BASP1: variants seen among roughly 807,000 people sequenced by gnomAD.
The protein encoded by BASP1 is brain acid soluble protein 1.
A neutral mutation model predicts 2.2 loss-of-function variants in BASP1; 1 was observed. That is an observed-to-expected ratio of 0.46 (90% confidence interval 0.16 to 2.17). The LOEUF (loss-of-function observed/expected upper bound fraction) is 2.17. Among genes scored for constraint, BASP1 ranks in the 30% most tolerant of loss-of-function variants. The pLI, the probability that BASP1 is intolerant of heterozygous loss-of-function variation, is 0.27. For missense variants in BASP1, 352 were observed against 327.2 expected (o/e 1.08, Z -0.58); for synonymous variants, 187 against 154.2 (o/e 1.21, Z -1.58).
intron 1 of BASP1, among the ~76,000 whole-genome samples, chr5:17,231,726 T>G (rs917495215): frequency 6.6e-6 from 1 of 152,226 alleles, no homozygotes; most frequent in Non-Finnish European, 1.5e-5. Flanking sequence ...TTTTTGTCCC[T>G]GCATTTGCCA....
Position 17,275,426 on chromosome 5 carries a change from G to T in BASP1, c.210G>T (p.Glu70Asp). ...CCGAGGGCAAGGCCGAGGAGAAGGA[G>T]GGCGAGAAGGACGCGGCGGCTGCCA... ...QDAEGKAEEK[E>D]GEKDAAAAKE... The change falls in exon 2 of 2, where the codon GAG becomes GAT. Residue 70 changes from glutamate to aspartate, a missense_variant. Glu to Asp is a conservative substitution (Grantham distance 45). Transcript: ENST00000322611. The surrounding 1 kb of genome is among the most constrained non-coding windows in gnomAD (Gnocchi z 5.3). 1 of 1,544,452 alleles carries T rather than the reference G, an allele frequency of 6.5e-7. No individual in the cohort carries two copies. The highest frequency in any genetic ancestry group is 1.2e-5 in the South Asian group (1 of 83,944).
chr5:17,227,951 T>A (rs1000876587), intron 1 of BASP1, among the ~76,000 whole-genome samples: 6 of 152,178 alleles, frequency 3.9e-5, no homozygotes, highest in African/African-American at 1.4e-4. Context: ...TTTTCAAATG[T>A]TTGGTTTTCA....
rs554588865 is a variant in BASP1 at position 17,250,028 on chromosome 5, C to T, written c.-9-25180C>T. On this transcript the variant is annotated intron_variant, in intron 1 of 1. Coordinates refer to ENST00000322611, the MANE Select transcript of BASP1 (RefSeq NM_006317.5). ...TGTGATCTCAGCTCACTGTAACCTC[C>T]GCCTCTTGGATTCAAGCAATTCTCG... 1.8e-4 allele frequency among the ~76,000 whole-genome samples: 28 copies of T among 152,186 alleles called. 1 individual carries two copies. Among genetic ancestry groups the T allele is most frequent in the Admixed American group, 1.5e-3 (23 of 15,284 alleles).
chr5:17,229,858 A>G (rs1429570648), intron 1 of BASP1, among the ~76,000 whole-genome samples: 1 of 143,708 alleles, frequency 7.0e-6, no homozygotes, highest in Non-Finnish European at 1.5e-5. Flanking sequence ...ATCTTGGCTC[A>G]CTGCAACCTC....
rs573951157 is a variant in BASP1, at chr5:17,275,155, C to T, written c.-9-53C>T. On this transcript the variant is annotated intron_variant, in intron 1 of 1. Coordinates refer to ENST00000322611, the MANE Select transcript of BASP1 (RefSeq NM_006317.5). This position sits in a 1 kb window ranked among gnomAD's most constrained non-coding sequence, Gnocchi z 5.3. ...TTTGCAAAATGCAGCTTTTTGTGGT[C>T]CCCACACTTGCCTAGTAACCGCCGT... The T allele has an allele frequency of 3.8e-6, 6 of 1,577,756 alleles. No homozygotes were observed. The highest frequency in any genetic ancestry group is 1.7e-5 in the Admixed American group (1 of 57,964).
chr5:17,219,938 A>G lies in BASP1; in HGVS notation c.-10+2128A>G, dbSNP rs1739364444. Among the ~76,000 whole-genome samples, 6 of 152,314 alleles carry G rather than the reference A, an allele frequency of 3.9e-5. No individual in the cohort carries two copies. In the South Asian group the frequency reaches 1.2e-3, roughly 32 times the overall value. The stretch of plus-strand genomic sequence containing the variant: ...CCCATTACCTAACAGAAGCCATGAT[A>G]TACCTTTGATGGCTGATTTTCTTTC... On this transcript the variant is annotated intron_variant, in intron 1 of 1. Transcript: ENST00000322611.
chr5:17,263,960 A>T (rs769404062), intron 1 of BASP1, among the ~76,000 whole-genome samples: 1 of 152,222 alleles, frequency 6.6e-6, no homozygotes, highest in South Asian at 2.1e-4. Flanking sequence ...GAATTGCTAA[A>T]TATGAGCCTT....
chr5:17,276,151 T>G lies in BASP1; in HGVS notation c.*251T>G. 5.6e-6 allele frequency: 2 copies of G among 356,778 alleles called. No individual in the cohort carries two copies. The highest frequency in any genetic ancestry group is 4.8e-5 in the Admixed American group (1 of 20,728). The allele number at this position is 356,778 out of a possible 1,614,324, so 22.1% of individuals were successfully genotyped here. A position where few individuals can be genotyped will look rare whatever the true frequency, so the allele number is the denominator to read the frequency against. On this transcript the variant is annotated 3_prime_UTR_variant, in exon 2 of 2. Transcript: ENST00000322611. The stretch of plus-strand genomic sequence containing the variant: ...CAAATAGTATTTTTGTGGGGAAATA[T>G]CTAATATACCTTCAGTCAACTTTAC...
intron 1 of BASP1, among the ~76,000 whole-genome samples, chr5:17,253,118 TAATC>T (rs1271887653): frequency 6.6e-6 from 1 of 151,858 alleles, no homozygotes; most frequent in Non-Finnish European, 1.5e-5. Context: ...AATCATAAAA[TAATC>T]AATTGGTTTT....
Position 17,275,555 on chromosome 5 carries a change from C to T in BASP1, c.339C>T (p.Pro113=), listed in dbSNP as rs1288749162. 2.2e-6 allele frequency: 3 copies of T among 1,395,128 alleles called. No homozygotes were observed. Among genetic ancestry groups the T allele is most frequent in the Non-Finnish European group, 2.8e-6 (3 of 1,078,862 alleles). The allele number at this position is 1,395,128 out of a possible 1,614,324, so 86.4% of individuals were successfully genotyped here. ...APEQEQAAPG[P]AAGGEAPKAA... ...AGCAGGAGCAGGCGGCCCCCGGCCC[C>T]GCTGCGGGCGGCGAGGCCCCCAAAG... Residue 113 remains proline, a synonymous_variant, in exon 2 of 2, where the codon CCC becomes CCT. Coordinates refer to ENST00000322611, the MANE Select transcript of BASP1 (RefSeq NM_006317.5). This position sits in a 1 kb window ranked among gnomAD's most constrained non-coding sequence, Gnocchi z 5.3.
intron 1 of BASP1, among the ~76,000 whole-genome samples, chr5:17,231,182 G>T (rs1579483086): frequency 6.6e-6 from 1 of 152,184 alleles, no homozygotes; most frequent in Non-Finnish European, 1.5e-5. Context: ...AATTTATGCA[G>T]TGTCTATTTT....
chr5:17,225,334 G>C (rs151193655), intron 1 of BASP1, among the ~76,000 whole-genome samples: 1 of 150,292 alleles, frequency 6.7e-6, no homozygotes, highest in Non-Finnish European at 1.5e-5. Context: ...AGACCTCTTC[G>C]GCCTTTTAAT....
rs1051034244 is a variant in BASP1 at position 17,275,541 on chromosome 5, G to A, written c.325G>A (p.Ala109Thr). ...EPPKAPEQEQ[A>T]APGPAAGGEA... ...CCCGAAGGCGCCCGAGCAGGAGCAGGCGGCCCCCGGCCCCGCTGCGGGCGG... is the reference window on the plus strand; with the variant it reads ...CCCGAAGGCGCCCGAGCAGGAGCAGACGGCCCCCGGCCCCGCTGCGGGCGG... The change falls in exon 2 of 2, where the codon GCG (alanine) becomes ACG (threonine). Residue 109 changes from alanine to threonine, a missense_variant. Transcript: ENST00000322611. This position sits in a 1 kb window ranked among gnomAD's most constrained non-coding sequence, Gnocchi z 5.3. 6 of 1,413,300 alleles carry A rather than the reference G, an allele frequency of 4.2e-6. No homozygotes were observed. The highest frequency in any genetic ancestry group is 1.5e-5 in the African/African-American group (1 of 65,196). The allele number at this position is 1,413,300 out of a possible 1,614,324, so 87.5% of individuals were successfully genotyped here. A position where few individuals can be genotyped will look rare whatever the true frequency, so the allele number is the denominator to read the frequency against.
At chr5:17,249,398 G>A (rs1740056875) in intron 1 of BASP1, among the ~76,000 whole-genome samples, 1 of 152,172 alleles carries the variant, frequency 6.6e-6, no homozygotes, top group Non-Finnish European at 1.5e-5. Context: ...CTGCGTGGTA[G>A]ATCCCTACTG....
rs1364938222 is a variant in BASP1 at position 17,275,872 on chromosome 5, C to T, written c.656C>T (p.Ser219Phe). Residue 219 changes from serine to phenylalanine, a missense_variant, in exon 2 of 2, where the codon TCC (serine) becomes TTC (phenylalanine). By Grantham distance (155) the Ser-to-Phe change is radical (BLOSUM62 -2). Transcript: ENST00000322611. The surrounding 1 kb of genome is among the most constrained non-coding windows in gnomAD (Gnocchi z 5.3). Reference protein sequence around the residue: ...PKPVEAPAANSDQTVTVKE With the variant: ...PKPVEAPAANFDQTVTVKE ...CCGGTGGAGGCCCCGGCAGCTAATT[C>T]CGACCAAACCGTAACCGTGAAAGAG... 4 of 1,597,938 alleles carry T rather than the reference C, an allele frequency of 2.5e-6. No individual in the cohort carries two copies. The highest frequency in any genetic ancestry group is 3.4e-6 in the Non-Finnish European group (4 of 1,173,514).
intron 1 of BASP1, among the ~76,000 whole-genome samples, chr5:17,274,399 A>G (rs1007248658): frequency 6.6e-6 from 1 of 152,188 alleles, no homozygotes; most frequent in African/African-American, 2.4e-5. Context: ...TATAACACAC[A>G]CACATATGTA....
chr5:17,243,485 G>C (rs1043304958), intron 1 of BASP1, among the ~76,000 whole-genome samples: 35 of 152,216 alleles, frequency 2.3e-4, no homozygotes, highest in Non-Finnish European at 4.3e-4. Flanking sequence ...AGTTTCCGGT[G>C]TCTAACTTGA....
chr5:17,230,178 G>A (rs2126492220), intron 1 of BASP1, among the ~76,000 whole-genome samples: 1 of 152,272 alleles, frequency 6.6e-6, no homozygotes, highest in Admixed American at 6.5e-5. Flanking sequence ...AGATGCCTAG[G>A]CCACTTTAAA....
chr5:17,275,166 C>A lies in BASP1; in HGVS notation c.-9-42C>A. The A allele has an allele frequency of 6.3e-7, 1 of 1,599,620 alleles. No individual in the cohort carries two copies. Among genetic ancestry groups the A allele is most frequent in the Admixed American group, 1.7e-5 (1 of 58,950 alleles). On this transcript the variant is annotated intron_variant, in intron 1 of 1. Coordinates refer to ENST00000322611, the MANE Select transcript of BASP1 (RefSeq NM_006317.5). The surrounding 1 kb of genome is among the most constrained non-coding windows in gnomAD (Gnocchi z 5.3). The stretch of plus-strand genomic sequence containing the variant: ...CAGCTTTTTGTGGTCCCCACACTTG[C>A]CTAGTAACCGCCGTTTTGTTTTGTT...
Sources: gnomAD v4.1 joint callset for allele counts (sites outside exome capture counted in the v4.1 genomes callset) on GRCh38, gnomAD v4.1.1 for gene constraint, Gnocchi (gnomAD v3.1) non-coding constraint, MANE v1.5 for transcripts, NCBI Gene and HGNC (gene_info 2026-07-23, HGNC 2026-07-21) for gene names.